The following MYO10 variants were observed in gnomAD, a reference collection of about 807,000 sequenced individuals.
The protein encoded by MYO10 is unconventional myosin-X.
In MYO10, 133 loss-of-function variants were observed where a neutral mutation model predicts 257.3. The ratio of observed to expected loss-of-function variants is 0.52; its 90% confidence interval spans 0.45 to 0.60. The LOEUF (loss-of-function observed/expected upper bound fraction) is 0.60, where lower values mean the gene tolerates loss of function less well. Among genes scored for constraint, MYO10 ranks in the 20% least tolerant of loss-of-function variants. MYO10 has a pLI of 0.00. For missense variants in MYO10, 2,399 were observed against 2,635.7 expected, an observed-to-expected ratio of 0.91 and a Z score of 1.97; for synonymous variants, 1,104 against 1,028.6, an observed-to-expected ratio of 1.07 and a Z score of -1.40.
At chr5:16,723,947 G>A (rs115924472) in intron 19 of MYO10, among the ~76,000 whole-genome samples, 12,542 of 152,148 alleles carry the variant, frequency 0.082, 650 homozygotes, top group Admixed American at 0.13. Context: ...GCCAGGGGTC[G>A]GGGGAAGGAT....
At chr5:16,739,766 G>C (rs1739944617) in intron 19 of MYO10, among the ~76,000 whole-genome samples, 1 of 152,064 alleles carries the variant, frequency 6.6e-6, no homozygotes, top group Non-Finnish European at 1.5e-5. Flanking sequence ...GGGAAGAAAA[G>C]TATATACACA....
At chr5:16,918,970 A>C (rs1224492523) in intron 1 of MYO10, among the ~76,000 whole-genome samples, 1 of 152,212 alleles carries the variant, frequency 6.6e-6, no homozygotes. Context: ...TCACTGGCAG[A>C]AATCAGCTAA....
At chr5:16,692,131 A>C (rs1737538172) in intron 27 of MYO10, among the ~76,000 whole-genome samples, 1 of 152,204 alleles carries the variant, frequency 6.6e-6, no homozygotes, top group South Asian at 2.1e-4. Flanking sequence ...ACTTATAAGG[A>C]AACTGCAGGC....
chr5:16,690,664 T>G (rs1375770604), intron 27 of MYO10, among the ~76,000 whole-genome samples: 1 of 152,046 alleles, frequency 6.6e-6, no homozygotes, highest in Non-Finnish European at 1.5e-5. Flanking sequence ...GTGAGCTCTT[T>G]CCCTAATTCA....
intron 40 of MYO10, 72 bp from the exon 41 acceptor site, chr5:16,666,865 C>T: frequency 8.0e-7 from 1 of 1,244,836 alleles, no homozygotes; most frequent in Non-Finnish European, 1.1e-6. Flanking sequence ...CCTAATAATC[C>T]AGACATTCCC....
chr5:16,893,287 T>C (rs1304674581), intron 1 of MYO10, among the ~76,000 whole-genome samples: 1 of 150,856 alleles, frequency 6.6e-6, no homozygotes, highest in Non-Finnish European at 1.5e-5. Context: ...AACATTTAAA[T>C]GACATAAATG....
intron 19 of MYO10, among the ~76,000 whole-genome samples, chr5:16,719,641 A>T (rs1417770411): frequency 6.6e-6 from 1 of 152,208 alleles, no homozygotes; most frequent in Non-Finnish European, 1.5e-5. Flanking sequence ...AGATTATGTA[A>T]AAGTAAACAA....
intron 1 of MYO10, among the ~76,000 whole-genome samples, chr5:16,880,862 C>G (rs1157076748): frequency 6.6e-6 from 1 of 152,198 alleles, no homozygotes; most frequent in African/African-American, 2.4e-5. Context: ...CACTCCATAC[C>G]CAAGCCACAT....
At chr5:16,795,134 T>C (rs2126681616) in intron 3 of MYO10, among the ~76,000 whole-genome samples, 1 of 152,238 alleles carries the variant, frequency 6.6e-6, no homozygotes, top group South Asian at 2.1e-4. Context: ...TCTTAATCCC[T>C]TCCCATGGGC....
rs3214558 is a variant in MYO10, at chr5:16,711,256, CA to C, written c.1930-12del. ...AAACTGGTCTGGCATCTAAACCATGCAAAAAAAAAAGATGGGATACCATTAG... is the reference window on the plus strand; with the variant it reads ...AAACTGGTCTGGCATCTAAACCATGCAAAAAAAAAGATGGGATACCATTAG... On this transcript the variant is annotated splice_polypyrimidine_tract_variant and intron_variant, in intron 19 of 40. Transcript: ENST00000513610. The C allele has an allele frequency of 0.79, 1,212,835 of 1,530,700 alleles. 476,537 individuals carry two copies. Among genetic ancestry groups the C allele is most frequent in the East Asian group, 0.82 (35,198 of 42,838 alleles). 94.8% of individuals were successfully genotyped at this position (1,530,700 alleles called of 1,614,324 possible). A position where few individuals can be genotyped will look rare whatever the true frequency, so the allele number is the denominator to read the frequency against.
intron 19 of MYO10, chr5:16,741,774 A>C: frequency 1.0e-6 from 1 of 981,080 alleles, no homozygotes; most frequent in Non-Finnish European, 1.2e-6. Context: ...TGAAACTTTT[A>C]AGCAGAACAA....
At chr5:16,883,806 G>T (rs1020790946) in intron 1 of MYO10, among the ~76,000 whole-genome samples, 3 of 152,102 alleles carry the variant, frequency 2.0e-5, no homozygotes, top group Non-Finnish European at 4.4e-5. Flanking sequence ...CCTGAACTCT[G>T]ATTGAAAAAA....
At chr5:16,742,618 G>C (rs899550635) in intron 19 of MYO10, among the ~76,000 whole-genome samples, 12 of 151,906 alleles carry the variant, frequency 7.9e-5, no homozygotes, top group African/African-American at 2.9e-4. Flanking sequence ...TCAGGAGTTC[G>C]AGACCAGCCT....
At chr5:16,706,497 T>C (rs917813094) in intron 21 of MYO10, among the ~76,000 whole-genome samples, 1 of 152,216 alleles carries the variant, frequency 6.6e-6, no homozygotes, top group African/African-American at 2.4e-5. Context: ...TGTTTGGTAT[T>C]ACATATCTTA....
intron 2 of MYO10, among the ~76,000 whole-genome samples, chr5:16,825,780 C>T (rs954462364): frequency 1.3e-5 from 2 of 152,288 alleles, no homozygotes; most frequent in Middle Eastern, 3.4e-3. Flanking sequence ...GCCCAGGAGG[C>T]GGACATTGCA....
chr5:16,696,528 T>C (rs565950443), intron 26 of MYO10, among the ~76,000 whole-genome samples: 1 of 152,318 alleles, frequency 6.6e-6, no homozygotes, highest in South Asian at 2.1e-4. Context: ...TTTACTTTTT[T>C]CCTACTCTTA....
At chr5:16,796,032 A>G (rs1478925103) in intron 3 of MYO10, among the ~76,000 whole-genome samples, 1 of 151,768 alleles carries the variant, frequency 6.6e-6, no homozygotes, top group African/African-American at 2.4e-5. Context: ...TACTAAAAAT[A>G]CAAAAAATTA....
chr5:16,799,597 A>G (rs1216101416), intron 3 of MYO10, among the ~76,000 whole-genome samples: 1 of 151,692 alleles, frequency 6.6e-6, no homozygotes, highest in African/African-American at 2.4e-5. Flanking sequence ...TGTTCAAGCG[A>G]TTCTCCTGTC....
intron 2 of MYO10, among the ~76,000 whole-genome samples, chr5:16,824,502 T>C (rs1441692401): frequency 2.6e-5 from 4 of 152,202 alleles, no homozygotes; most frequent in Admixed American, 1.3e-4. Flanking sequence ...AACAACCAGA[T>C]GTCTACCCAG....
Sources: allele counts gnomAD v4.1 joint callset (sites outside exome capture counted in the v4.1 genomes callset), GRCh38; gene constraint gnomAD v4.1.1; transcripts MANE v1.5; gene names NCBI Gene and HGNC (gene_info 2026-07-23, HGNC 2026-07-21).